Variants in POLN observed in about 807,000 individuals in gnomAD.
POLN encodes the protein DNA polymerase N.
POLN carries 108 observed loss-of-function variants against 113.5 expected under a neutral mutation model. The observed-to-expected ratio is 0.95, with a 90% CI of 0.81 to 1.12. The LOEUF (loss-of-function observed/expected upper bound fraction) is 1.12, where lower values mean the gene tolerates loss of function less well. Ranked by LOEUF, POLN falls within the 50% of genes most tolerant of loss-of-function variation. The probability of loss-of-function intolerance (pLI) is 0.00; values close to 1 mark genes in which losing one functional copy is unlikely to be tolerated. For synonymous variants in POLN, 386 were observed against 391.5 expected, an observed-to-expected ratio of 0.99 and a Z score of 0.17; for missense variants, 1,097 against 1,077.1, an observed-to-expected ratio of 1.02 and a Z score of -0.26.
intron 23 of POLN, chr4:2,078,473 C>CT (rs943435658): frequency 0.054 from 28,434 of 526,918 alleles, 7 homozygotes; most frequent in Non-Finnish European, 0.061. Flanking sequence ...TCTTCTTCTT[C>CT]TTTTTTTTTT....
intron 16 of POLN, among the ~76,000 whole-genome samples, chr4:2,151,254 G>T (rs1403326297): frequency 6.6e-6 from 1 of 152,186 alleles, no homozygotes; most frequent in Admixed American, 6.5e-5. Context: ...AATGAAAACT[G>T]CAATGAGACA....
At chr4:2,221,546 C>T (rs1210481455) in intron 3 of POLN, among the ~76,000 whole-genome samples, 1 of 152,114 alleles carries the variant, frequency 6.6e-6, no homozygotes, top group Non-Finnish European at 1.5e-5. Flanking sequence ...TGATCAAGGA[C>T]TCAAAAGAAT....
At chr4:2,160,745 G>A (rs1732560453) in intron 13 of POLN, among the ~76,000 whole-genome samples, 1 of 152,120 alleles carries the variant, frequency 6.6e-6, no homozygotes, top group Admixed American at 6.5e-5. Flanking sequence ...CATAATTAGA[G>A]ATTTTTAATT....
intron 19 of POLN, among the ~76,000 whole-genome samples, chr4:2,102,319 G>A (rs1228688466): frequency 1.3e-5 from 2 of 152,132 alleles, no homozygotes; most frequent in African/African-American, 4.8e-5. Flanking sequence ...GGACACTCAA[G>A]CACTTTTCCA....
intron 2 of POLN, among the ~76,000 whole-genome samples, chr4:2,237,334 G>A (rs1427003621): frequency 6.6e-6 from 1 of 151,454 alleles, no homozygotes. Context: ...TACTCAGGAA[G>A]TTGAGGCAGG....
chr4:2,188,920 T>C (rs1225397421), intron 7 of POLN, among the ~76,000 whole-genome samples: 3 of 152,214 alleles, frequency 2.0e-5, no homozygotes, highest in African/African-American at 7.2e-5. Flanking sequence ...GTTTTTCCTT[T>C]ATTTGTTTGT....
intron 2 of POLN, among the ~76,000 whole-genome samples, chr4:2,239,270 C>T (rs200747148): frequency 7.9e-5 from 12 of 152,228 alleles, no homozygotes; most frequent in Middle Eastern, 3.4e-3. Flanking sequence ...TATATAGTAA[C>T]GGCTACCAAA....
chr4:2,153,238 G>GTA (rs1342705555), intron 16 of POLN, among the ~76,000 whole-genome samples: 1 of 152,212 alleles, frequency 6.6e-6, no homozygotes, highest in African/African-American at 2.4e-5. Flanking sequence ...GTCTCTATGT[G>GTA]TATATGTACA....
intron 12 of POLN, 146 bp downstream of exon 12, chr4:2,170,952 C>A (rs939365256): frequency 2.3e-6 from 2 of 853,156 alleles, no homozygotes; most frequent in African/African-American, 1.7e-5. Flanking sequence ...TAATGAATCT[C>A]AATGTGTTCA....
intron 2 of POLN, among the ~76,000 whole-genome samples, chr4:2,234,099 G>C (rs573331209): frequency 6.6e-6 from 1 of 152,260 alleles, no homozygotes; most frequent in South Asian, 2.1e-4. Flanking sequence ...ACAATAACCA[G>C]CTACAAAATT....
chr4:2,128,297 G>T, intron 18 of POLN, 70 bp from the exon 19 acceptor site: 1 of 934,220 alleles, frequency 1.1e-6, no homozygotes, highest in Non-Finnish European at 1.7e-6. Context: ...GCGCACCCCG[G>T]CCACCCTCAG....
intron 2 of POLN, among the ~76,000 whole-genome samples, chr4:2,239,778 C>T (rs1734903552): frequency 6.6e-6 from 1 of 152,084 alleles, no homozygotes; most frequent in Admixed American, 6.5e-5. Context: ...ATTTAAAATT[C>T]GGAATGCAAA....
intron 13 of POLN, among the ~76,000 whole-genome samples, chr4:2,166,720 C>T (rs1015337348): frequency 6.6e-6 from 1 of 152,150 alleles, no homozygotes; most frequent in African/African-American, 2.4e-5. Context: ...GAATTCCAGA[C>T]TCTCCCGTGT....
chr4:2,239,580 C>G (rs1397497248), intron 2 of POLN, among the ~76,000 whole-genome samples: 1 of 152,190 alleles, frequency 6.6e-6, no homozygotes, highest in African/African-American at 2.4e-5. Flanking sequence ...AGACAGACAT[C>G]TGCAATACAT....
At chr4:2,146,718 G>A (rs1287117034) in intron 16 of POLN, among the ~76,000 whole-genome samples, 1 of 152,110 alleles carries the variant, frequency 6.6e-6, no homozygotes, top group Non-Finnish European at 1.5e-5. Context: ...AGAACTAACG[G>A]GCAGCAGCCA....
chr4:2,095,937 C>A lies in POLN; in HGVS notation c.1983-4G>T. On this transcript the variant is annotated splice_polypyrimidine_tract_variant and splice_region_variant and intron_variant, in intron 19 of 25. Transcript: ENST00000511885. Reference sequence around the variant, plus strand: ...CTGTTCCACGGGCACATCCTTCCTGCATGGAGAGACCATGTGTGAAGTTCA... The same window carrying A: ...CTGTTCCACGGGCACATCCTTCCTGAATGGAGAGACCATGTGTGAAGTTCA... 1 of 1,613,988 alleles carries A rather than the reference C, an allele frequency of 6.2e-7. No individual in the cohort carries two copies. Among genetic ancestry groups the A allele is most frequent in the South Asian group, 1.1e-5 (1 of 91,078 alleles).
At chr4:2,094,511 G>A (rs1319970692) in intron 20 of POLN, among the ~76,000 whole-genome samples, 1 of 152,158 alleles carries the variant, frequency 6.6e-6, no homozygotes, top group Non-Finnish European at 1.5e-5. Context: ...CAGAGAAACT[G>A]TGAGATAGTG....
chr4:2,240,927 A>T lies in POLN; in HGVS notation c.-13+593T>A, dbSNP rs765793541. ...ACCAATTTTTTTTAATGTTTCCACA[A>T]ACTCATTTCCACAACTCATGGTTTT... On this transcript the variant is annotated intron_variant, in intron 2 of 25. Coordinates refer to ENST00000511885, the MANE Select transcript of POLN (RefSeq NM_181808.4). 2.5e-6 allele frequency: 4 copies of T among 1,598,130 alleles called. No individual in the cohort carries two copies. In the South Asian group the frequency reaches 4.5e-5, roughly 18 times the overall value.
At chr4:2,142,809 G>A (rs141591471) in intron 16 of POLN, among the ~76,000 whole-genome samples, 46 of 152,066 alleles carry the variant, frequency 3.0e-4, no homozygotes, top group East Asian at 2.5e-3. Flanking sequence ...ACAAAAACCC[G>A]TGATTGTGGT....
Sources: allele counts gnomAD v4.1 joint callset (sites outside exome capture counted in the v4.1 genomes callset), GRCh38; gene constraint gnomAD v4.1.1; transcripts MANE v1.5; gene names NCBI Gene and HGNC (gene_info 2026-07-23, HGNC 2026-07-21).